Variants in EMILIN3 observed in about 807,000 individuals in gnomAD.
EMILIN3 encodes the protein elastin microfibril interfacer 3, also known as EMILIN-3.
Under a neutral mutation model 42.8 loss-of-function variants are expected in EMILIN3, and 38 were observed. That is an observed-to-expected ratio of 0.89 (90% CI 0.69 to 1.16). The LOEUF (loss-of-function observed/expected upper bound fraction) is 1.16, where lower values mean the gene tolerates loss of function less well. EMILIN3 is among the 50% of genes most tolerant of loss of function. The probability of loss-of-function intolerance (pLI) is 0.00; values close to 1 mark genes in which losing one functional copy is unlikely to be tolerated. For missense variants in EMILIN3, 924 were observed against 999.5 expected, an observed-to-expected ratio of 0.92 and a Z score of 1.02; for synonymous variants, 430 against 440.5, an observed-to-expected ratio of 0.98 and a Z score of 0.30.
chr20:41,363,945 G>A lies in EMILIN3; in HGVS notation c.291-84C>T, dbSNP rs968734756. The A allele has an allele frequency of 3.0e-6, 4 of 1,333,362 alleles. No individual in the cohort carries two copies. The African/African-American group carries it at 5.7e-5, about 19-fold the overall frequency. The allele number at this position is 1,333,362 out of a possible 1,614,324, so 82.6% of individuals were successfully genotyped here. A position where few individuals can be genotyped will look rare whatever the true frequency, so the allele number is the denominator to read the frequency against. ...TAGCTGGCACTCAGGGCCGCCCTCA[G>A]ACACTTGCATAAGGCTGGGTATCTC... On this transcript the variant is annotated intron_variant, in intron 2 of 3. Transcript: ENST00000332312.
rs1409786486 is a variant in EMILIN3 at position 41,362,211 on chromosome 20, C to A, written c.1358G>T (p.Cys453Phe). Residue 453 changes from cysteine to phenylalanine, a missense_variant, in exon 4 of 4, where the codon TGT (cysteine) becomes TTT (phenylalanine). Cys to Phe is a radical substitution (Grantham distance 205). Coordinates refer to ENST00000332312, the MANE Select transcript of EMILIN3 (RefSeq NM_052846.2). ...CCACCCCCCCATGTCCAACCTCAGA[C>A]AGCATCCCCTTGCTCCACCCTCTGT... ...NGTEGGARGC[C>F]LRLDMGGWGV... 1 of 1,613,786 alleles carries A rather than the reference C, an allele frequency of 6.2e-7. No homozygotes were observed.
chr20:41,362,979 T>C lies in EMILIN3; in HGVS notation c.590A>G (p.Tyr197Cys), dbSNP rs2046374116. Reference protein sequence around the residue: ...EGDVQRLAQTYGTLSGLVASH... With the variant: ...EGDVQRLAQTCGTLSGLVASH... ...AGCCACCAGGCCACTGAGGGTACCA[T>C]ATGTTTGAGCCAGGCGCTGGACATC... Residue 197 changes from tyrosine to cysteine, a missense_variant, in exon 4 of 4, where the codon TAT becomes TGT. Coordinates refer to ENST00000332312, the MANE Select transcript of EMILIN3 (RefSeq NM_052846.2). 3.7e-6 allele frequency: 6 copies of C among 1,612,592 alleles called. No individual in the cohort carries two copies. Among genetic ancestry groups the C allele is most frequent in the Middle Eastern group, 1.7e-4 (1 of 6,058 alleles).
Position 41,366,653 on chromosome 20 carries a change from G to T in EMILIN3, c.-19C>A. ...GGCCCATAGCGGCCCCCGCGCCTCT[G>T]CCCGGCCCCGCGCGGTGCCCCCCGC... On this transcript the variant is annotated 5_prime_UTR_variant, in exon 1 of 4. Transcript: ENST00000332312. The surrounding 1 kb of genome is among the most constrained non-coding windows in gnomAD (Gnocchi z 4.2). 9.9e-7 allele frequency: 1 copy of T among 1,008,124 alleles called. No homozygotes were observed. The highest frequency in any genetic ancestry group is 1.2e-6 in the Non-Finnish European group (1 of 846,698). The allele number at this position is 1,008,124 out of a possible 1,614,324, so 62.4% of individuals were successfully genotyped here. A position where few individuals can be genotyped will look rare whatever the true frequency, so the allele number is the denominator to read the frequency against.
chr20:41,363,982 A>G (rs954205980), intron 2 of EMILIN3, 121 bp from the exon 3 acceptor site: 7 of 870,630 alleles, frequency 8.0e-6, no homozygotes, highest in Admixed American at 4.4e-5. Flanking sequence ...CCACCTCCAT[A>G]GCACCCCCAG....
rs2046337430 is a variant in EMILIN3, at chr20:41,360,031, A to G, written c.*1237T>C. 6.6e-6 allele frequency: 1 copy of G among 152,644 alleles called. No homozygotes were observed. Among genetic ancestry groups the G allele is most frequent in the Non-Finnish European group, 1.5e-5 (1 of 68,058 alleles). The allele number at this position is 152,644 out of a possible 1,614,324, so 9.5% of individuals were successfully genotyped here. A position where few individuals can be genotyped will look rare whatever the true frequency, so the allele number is the denominator to read the frequency against. On this transcript the variant is annotated 3_prime_UTR_variant, in exon 4 of 4. Coordinates refer to ENST00000332312, the MANE Select transcript of EMILIN3 (RefSeq NM_052846.2). ...ATAGTACCAGAGTGGAGGGCAGAAT[A>G]CCAAATGTCCAGGAACCAAAGGCAG...
At position 41,362,307 on chromosome 20, in the gene EMILIN3, G is replaced by T. The variant is rs563619384; in HGVS notation, c.1262C>A (p.Thr421Lys). 1.2e-6 allele frequency: 2 copies of T among 1,613,030 alleles called. No individual in the cohort carries two copies. Among genetic ancestry groups the T allele is most frequent in the Non-Finnish European group, 1.7e-6 (2 of 1,179,914 alleles). Residue 421 changes from threonine to lysine, a missense_variant, in exon 4 of 4, where the codon ACG becomes AAG. Thr to Lys is a moderately conservative substitution (Grantham distance 78). Coordinates refer to ENST00000332312, the MANE Select transcript of EMILIN3 (RefSeq NM_052846.2). ...CTCGAGCATGGCAGCAGAGAGCCTC[G>T]TAAGCTCATCCCCGGCCGGGGCACC... ...GPGAPAGDEL[T>K]RLSAAMLEGG...
rs778254321 is a variant in EMILIN3, at chr20:41,362,093, G to C, written c.1476C>G (p.Ser492Arg). Residue 492 changes from serine to arginine, a missense_variant, in exon 4 of 4, where the codon AGC becomes AGG. Coordinates refer to ENST00000332312, the MANE Select transcript of EMILIN3 (RefSeq NM_052846.2). The part of the protein sequence containing the change: ...ATLAGELSHD[S>R]ASPGRSARPL... ...GCCGAGCTGACCTGCCCGGAGAGGC[G>C]CTGTCATGGCTTAGCTCCCCAGCCA... The C allele has an allele frequency of 6.2e-7, 1 of 1,605,708 alleles. No individual in the cohort carries two copies. Among genetic ancestry groups the C allele is most frequent in the South Asian group, 1.1e-5 (1 of 90,720 alleles).
In EMILIN3 at chr20:41,361,466, C is replaced by G; in HGVS notation, c.2103G>C (p.Arg701Ser). The stretch of plus-strand genomic sequence containing the variant: ...GGCCCGCGGCCAGCAGGCCCAGCCT[C>G]CTGCACGCACCCTCCACTTGTGCCA... ...QRVAQVEGACRRLGLLAAGLD... is the reference protein window; with the variant it reads ...QRVAQVEGACSRLGLLAAGLD... Residue 701 changes from arginine to serine, a missense_variant, in exon 4 of 4, where the codon AGG becomes AGC. Coordinates refer to ENST00000332312, the MANE Select transcript of EMILIN3 (RefSeq NM_052846.2). 6.2e-7 allele frequency: 1 copy of G among 1,607,292 alleles called. No homozygotes were observed. Among genetic ancestry groups the G allele is most frequent in the Non-Finnish European group, 8.5e-7 (1 of 1,175,884 alleles).
chr20:41,365,809 C>T (rs1183654804), intron 1 of EMILIN3, among the ~76,000 whole-genome samples: 1 of 151,980 alleles, frequency 6.6e-6, no homozygotes, highest in Non-Finnish European at 1.5e-5. Flanking sequence ...GAGGCCAGTT[C>T]GCAAGCCACT....
rs149733243 is a variant in EMILIN3, at chr20:41,362,324, C to A, written c.1245G>T (p.Pro415=). 2.5e-6 allele frequency: 4 copies of A among 1,611,860 alleles called. No homozygotes were observed. In the Admixed American group the frequency reaches 5.0e-5, roughly 20 times the overall value. Residue 415 remains proline, a synonymous_variant, in exon 4 of 4, where the codon CCG becomes CCT. Coordinates refer to ENST00000332312, the MANE Select transcript of EMILIN3 (RefSeq NM_052846.2). ...VTETQRGPGA[P]AGDELTRLSA... is the part of the protein sequence containing the mutation. ...AGAGCCTCGTAAGCTCATCCCCGGC[C>A]GGGGCACCGGGGCCCCTTTGGGTCT...
At chr20:41,364,901 GC>G in intron 2 of EMILIN3, 133 bp downstream of exon 2, 6 of 1,362,412 alleles carry the variant, frequency 4.4e-6, no homozygotes, top group Non-Finnish European at 5.0e-6. Context: ...TTCTACTCTG[GC>G]CTGTATGGGG....
intron 2 of EMILIN3, among the ~76,000 whole-genome samples, chr20:41,364,831 G>T (rs866580616): frequency 3.3e-5 from 5 of 152,304 alleles, no homozygotes; most frequent in African/African-American, 7.2e-5. Flanking sequence ...TGCGGGTGAT[G>T]CTCTGCTGCA....
In EMILIN3 at chr20:41,362,308, T is replaced by G. The variant is rs778553741; in HGVS notation, c.1261A>C (p.Thr421Pro). ...TCGAGCATGGCAGCAGAGAGCCTCG[T>G]AAGCTCATCCCCGGCCGGGGCACCG... ...GPGAPAGDEL[T>P]RLSAAMLEGG... The change falls in exon 4 of 4, where the codon ACG becomes CCG. Residue 421 changes from threonine to proline, a missense_variant. Thr to Pro is a conservative substitution (Grantham distance 38). Transcript: ENST00000332312. 6.2e-7 allele frequency: 1 copy of G among 1,613,080 alleles called. No individual in the cohort carries two copies. Among genetic ancestry groups the G allele is most frequent in the Non-Finnish European group, 8.5e-7 (1 of 1,179,916 alleles).
In EMILIN3 at chr20:41,362,256, C is replaced by A; in HGVS notation, c.1313G>T (p.Gly438Val). The A allele has an allele frequency of 6.2e-7, 1 of 1,613,880 alleles. No individual in the cohort carries two copies. The highest frequency in any genetic ancestry group is 8.5e-7 in the Non-Finnish European group (1 of 1,179,992). Reference sequence around the variant, plus strand: ...CTCTGTCCCATTGAGCGTCTCCAGACCCTCAAGCAGCCCGTCCACACCTCC... The same window carrying A: ...CTCTGTCCCATTGAGCGTCTCCAGAACCTCAAGCAGCCCGTCCACACCTCC... ...LEGGVDGLLE[G>V]LETLNGTEGG... The change falls in exon 4 of 4, where the codon GGT becomes GTT. Residue 438 changes from glycine (G) to valine (V), a missense_variant. Transcript: ENST00000332312.
rs1409508974 is a variant in EMILIN3 at position 41,361,949 on chromosome 20, C to T, written c.1620G>A (p.Trp540Ter). ...GTAGGAGGGCCTCGCTCCGGCTCTG[C>T]CAGGCCTTCACCTCTGCCACGAGGC... is the stretch of plus-strand genomic sequence containing the variant. ...LDSLVAEVKA[W>*]QSRSEALLRQ... The change falls in exon 4 of 4, where the codon TGG becomes TGA. Residue 540 changes from tryptophan to a stop codon, truncating the protein, a stop_gained. Transcript: ENST00000332312. LOFTEE classifies it high-confidence loss of function. 6.2e-7 allele frequency: 1 copy of T among 1,612,596 alleles called. No homozygotes were observed. The highest frequency in any genetic ancestry group is 8.5e-7 in the Non-Finnish European group (1 of 1,179,524).
chr20:41,365,465 A>AC (rs75307208), intron 1 of EMILIN3, among the ~76,000 whole-genome samples: 9 of 151,546 alleles, frequency 5.9e-5, no homozygotes, highest in Non-Finnish European at 8.8e-5. Context: ...GCCCTGCCAC[A>AC]CCCCCCCATC....
Position 41,362,701 on chromosome 20 carries a change from G to A in EMILIN3, c.868C>T (p.Pro290Ser). 1 of 1,613,650 alleles carries A rather than the reference G, an allele frequency of 6.2e-7. No individual in the cohort carries two copies. The highest frequency in any genetic ancestry group is 1.1e-5 in the South Asian group (1 of 91,064). ...EAHLQRLREA[P>S]PSPLTSLALL... Reference sequence around the variant, plus strand: ...GCCAGGGAGGTGAGCGGGGATGGTGGGGCTTCCCGCAGCCGCTGCAGGTGG... The same window carrying A: ...GCCAGGGAGGTGAGCGGGGATGGTGAGGCTTCCCGCAGCCGCTGCAGGTGG... The change falls in exon 4 of 4, where the codon CCA (proline) becomes TCA (serine). Residue 290 changes from proline (P) to serine (S), a missense_variant. Transcript: ENST00000332312.
Position 41,362,009 on chromosome 20 carries a change from C to G in EMILIN3, c.1560G>C (p.Ser520=), listed in dbSNP as rs61739308. 1 of 1,611,502 alleles carries G rather than the reference C, an allele frequency of 6.2e-7. No homozygotes were observed. The highest frequency in any genetic ancestry group is 1.7e-5 in the Admixed American group (1 of 59,990). ...TGGCTGAGGTGGTGCTCGGGGTGCACGAAGTCTCCAGTGAGACCAACCGTT... is the reference window on the plus strand; with the variant it reads ...TGGCTGAGGTGGTGCTCGGGGTGCAGGAAGTCTCCAGTGAGACCAACCGTT... The part of the protein sequence containing the change: ...LEQRLVSLET[S]CTPSTTSAIL... The change falls in exon 4 of 4, where the codon TCG becomes TCC. Residue 520 remains serine (S), a synonymous_variant. Coordinates refer to ENST00000332312, the MANE Select transcript of EMILIN3 (RefSeq NM_052846.2).
intron 2 of EMILIN3, among the ~76,000 whole-genome samples, chr20:41,364,832 C>T (rs1304500977): frequency 6.6e-6 from 1 of 152,232 alleles, no homozygotes; most frequent in Non-Finnish European, 1.5e-5. Context: ...GCGGGTGATG[C>T]TCTGCTGCAA....
Sources: allele counts gnomAD v4.1 joint callset (sites outside exome capture counted in the v4.1 genomes callset), GRCh38; gene constraint gnomAD v4.1.1; non-coding constraint Gnocchi (gnomAD v3.1); transcripts MANE v1.5; gene names NCBI Gene and HGNC (gene_info 2026-07-23, HGNC 2026-07-21).